The following ZNF35 variants were observed in gnomAD, a reference collection of about 807,000 sequenced individuals.
ZNF35 encodes the protein zinc finger protein 35 (clone HF.10).
Under a neutral mutation model 45.9 loss-of-function variants are expected in ZNF35, and 31 were observed. The observed-to-expected ratio is 0.68, with a 90% confidence interval of 0.51 to 0.91. ZNF35 has a LOEUF of 0.91. Ranked by LOEUF, ZNF35 falls within the 40% of genes least tolerant of loss-of-function variation. The probability of loss-of-function intolerance (pLI) is 0.00; values close to 1 mark genes in which losing one functional copy is unlikely to be tolerated. For missense variants in ZNF35, 515 were observed against 625.4 expected (o/e 0.82, Z 1.88); for synonymous variants, 205 against 220.2 (o/e 0.93, Z 0.61).
chr3:44,658,953 A>T lies in ZNF35; in HGVS notation c.590A>T (p.Lys197Met), dbSNP rs753250758. The T allele has an allele frequency of 1.9e-6, 3 of 1,614,070 alleles. No individual in the cohort carries two copies. In the South Asian group the frequency reaches 3.3e-5, roughly 18 times the overall value. ...SFKEEENQKC[K>M]KSGGKYSLNS... is the part of the protein sequence containing the mutation. Reference sequence around the variant, plus strand: ...AAAGAAGAGGAAAACCAGAAATGTAAGAAATCTGGAGGAAAATATAGCCTT... The same window carrying T: ...AAAGAAGAGGAAAACCAGAAATGTATGAAATCTGGAGGAAAATATAGCCTT... Residue 197 changes from lysine to methionine, a missense_variant, in exon 4 of 4, where the codon AAG becomes ATG. By Grantham distance (95) the Lys-to-Met change is moderately conservative. Transcript: ENST00000396056.
chr3:44,651,435 G>A (rs1440479023), intron 2 of ZNF35, among the ~76,000 whole-genome samples, 176 bp downstream of exon 2: 1 of 152,126 alleles, frequency 6.6e-6, no homozygotes, highest in Non-Finnish European at 1.5e-5. Flanking sequence ...GTGACATTCA[G>A]TACTTTCTGT....
At chr3:44,646,620 A>G (rs544906987), upstream of ZNF35, 7 of 771,366 alleles carry the variant, frequency 9.1e-6, no homozygotes, top group African/African-American at 7.0e-5. Context: ...TGAAAAAGAG[A>G]GGGGAGTGAA....
At chr3:44,655,337 TA>T (rs1389521540) in intron 3 of ZNF35, among the ~76,000 whole-genome samples, 1 of 151,850 alleles carries the variant, frequency 6.6e-6, no homozygotes, top group East Asian at 1.9e-4. Flanking sequence ...ATAAATTTAG[TA>T]AATCAAATTA....
In ZNF35 at chr3:44,659,369, T is replaced by C; in HGVS notation, c.1006T>C (p.Cys336Arg). ...CCACATTACGGAAAAATGCTATGAA[T>C]GTAATGAATGTGGGAAAACATTTAC... ...KVHITEKCYE[C>R]NECGKTFTRS... is the part of the protein sequence containing the mutation. Residue 336 changes from cysteine to arginine, a missense_variant, in exon 4 of 4, where the codon TGT (cysteine) becomes CGT (arginine). Physicochemically the swap from Cys to Arg is radical, Grantham distance 180. This residue lies in a region of ZNF35 where 232 missense variants were observed against 304.6 expected (regional missense o/e 0.76). Coordinates refer to ENST00000396056, the MANE Select transcript of ZNF35 (RefSeq NM_003420.4). The surrounding 1 kb of genome is among the most constrained non-coding windows in gnomAD (Gnocchi z 4.3). The C allele has an allele frequency of 6.2e-7, 1 of 1,613,952 alleles. No homozygotes were observed. Among genetic ancestry groups the C allele is most frequent in the Non-Finnish European group, 8.5e-7 (1 of 1,179,948 alleles).
intron 2 of ZNF35, among the ~76,000 whole-genome samples, chr3:44,652,020 G>A (rs1264684839): frequency 6.6e-6 from 1 of 152,040 alleles, no homozygotes; most frequent in African/African-American, 2.4e-5. Flanking sequence ...GATGTCTGGG[G>A]GTGGTCTGAG....
In ZNF35 at chr3:44,658,908, G is replaced by C. The variant is rs1311768362; in HGVS notation, c.545G>C (p.Cys182Ser). ...KDFRQVIVNDCHLPESFKEEE... is the reference protein window; with the variant it reads ...KDFRQVIVNDSHLPESFKEEE... ...TTCAGACAAGTGATAGTGAATGACT[G>C]TCACTTACCTGAAAGCTTCAAAGAA... The change falls in exon 4 of 4, where the codon TGT becomes TCT. Residue 182 changes from cysteine to serine, a missense_variant. Transcript: ENST00000396056. The C allele has an allele frequency of 1.2e-6, 2 of 1,613,038 alleles. No individual in the cohort carries two copies. Among genetic ancestry groups the C allele is most frequent in the African/African-American group, 2.7e-5 (2 of 74,742 alleles).
chr3:44,652,726 A>C (rs1703226832), intron 3 of ZNF35, 25 bp downstream of exon 3: 1 of 1,524,166 alleles, frequency 6.6e-7, no homozygotes, highest in Non-Finnish European at 8.8e-7. Flanking sequence ...CCTGATTCTG[A>C]ATCTGACCAT....
intron 2 of ZNF35, among the ~76,000 whole-genome samples, chr3:44,651,694 A>C (rs1174230916): frequency 6.6e-6 from 1 of 152,000 alleles, no homozygotes; most frequent in Non-Finnish European, 1.5e-5. Context: ...TTAGCTTGGC[A>C]TGGTGGCACG....
intron 3 of ZNF35, among the ~76,000 whole-genome samples, chr3:44,657,411 G>C (rs191264020): frequency 1.3e-5 from 2 of 152,284 alleles, no homozygotes; most frequent in Admixed American, 1.3e-4. Flanking sequence ...TATTTCTTGA[G>C]CTTGGTTTAA....
At chr3:44,652,805 G>A (rs1435420433) in intron 3 of ZNF35, 104 bp downstream of exon 3, 1 of 1,230,184 alleles carries the variant, frequency 8.1e-7, no homozygotes. Context: ...ACAGAGTACT[G>A]AGGTATTGAA....
intron 3 of ZNF35, among the ~76,000 whole-genome samples, chr3:44,655,112 C>T (rs1703275694): frequency 6.6e-6 from 1 of 152,054 alleles, no homozygotes; most frequent in African/African-American, 2.4e-5. Flanking sequence ...CCAGCCTGGG[C>T]AATAGAGCAA....
At chr3:44,654,428 T>C (rs1413448213) in intron 3 of ZNF35, among the ~76,000 whole-genome samples, 3 of 152,184 alleles carry the variant, frequency 2.0e-5, no homozygotes, top group Non-Finnish European at 2.9e-5. Context: ...TTCTACAAAT[T>C]GGGTGTGTTC....
At chr3:44,656,169 G>C (rs1703297088) in intron 3 of ZNF35, among the ~76,000 whole-genome samples, 1 of 151,996 alleles carries the variant, frequency 6.6e-6, no homozygotes, top group Non-Finnish European at 1.5e-5. Flanking sequence ...GCATGAAACT[G>C]TATATGGAAA....
At chr3:44,657,824 T>G (rs1339005517) in intron 3 of ZNF35, among the ~76,000 whole-genome samples, 1 of 152,212 alleles carries the variant, frequency 6.6e-6, no homozygotes, top group African/African-American at 2.4e-5. Flanking sequence ...GGTTCATCTT[T>G]CCTTCTGGCC....
At chr3:44,646,609 A>G (rs1702973092), upstream of ZNF35, 3 of 820,282 alleles carry the variant, frequency 3.7e-6, no homozygotes, top group Admixed American at 3.9e-5. Context: ...TATTATTATG[A>G]TGAAAAAGAG....
chr3:44,655,669 C>T (rs912497260), intron 3 of ZNF35, among the ~76,000 whole-genome samples: 1 of 152,172 alleles, frequency 6.6e-6, no homozygotes, highest in African/African-American at 2.4e-5. Flanking sequence ...TTGACTATAC[C>T]AGATGGACCC....
rs1177702264 is a variant in ZNF35 at position 44,659,679 on chromosome 3, T to C, written c.1316T>C (p.Ile439Thr). 1.2e-6 allele frequency: 2 copies of C among 1,614,110 alleles called. No homozygotes were observed. The highest frequency in any genetic ancestry group is 1.3e-5 in the African/African-American group (1 of 74,938). ...TCTTGCCTTATTGTCCACCAGAGAATTCACAGTGGAGATCTTCCTTACGTG... is the reference window on the plus strand; with the variant it reads ...TCTTGCCTTATTGTCCACCAGAGAACTCACAGTGGAGATCTTCCTTACGTG... ...QLSCLIVHQR[I>T]HSGDLPYVCN... The change falls in exon 4 of 4, where the codon ATT (isoleucine) becomes ACT (threonine). Residue 439 changes from isoleucine to threonine, a missense_variant. By Grantham distance (89) the Ile-to-Thr change is moderately conservative. Around this residue, in one of 3 missense-constraint regions of ZNF35, gnomAD observed 232 missense variants for 304.6 expected, o/e 0.76. Coordinates refer to ENST00000396056, the MANE Select transcript of ZNF35 (RefSeq NM_003420.4). The surrounding 1 kb of genome is among the most constrained non-coding windows in gnomAD (Gnocchi z 4.3).
Position 44,659,724 on chromosome 3 carries a change from C to A in ZNF35, c.1361C>A (p.Ala454Asp), listed in dbSNP as rs759693911. 2 of 1,614,098 alleles carry A rather than the reference C, an allele frequency of 1.2e-6. No individual in the cohort carries two copies. The highest frequency in any genetic ancestry group is 3.3e-5 in the Admixed American group (2 of 60,022). ...LPYVCNECGKAFTCSSYLLIH... is the reference protein window; with the variant it reads ...LPYVCNECGKDFTCSSYLLIH... ...TACGTGTGTAATGAATGTGGGAAGGCCTTCACATGTAGCTCATACCTACTT... is the reference window on the plus strand; with the variant it reads ...TACGTGTGTAATGAATGTGGGAAGGACTTCACATGTAGCTCATACCTACTT... Residue 454 changes from alanine to aspartate, a missense_variant, in exon 4 of 4, where the codon GCC (alanine) becomes GAC (aspartate). Physicochemically the swap from Ala to Asp is moderately radical, Grantham distance 126 (BLOSUM62 -2). This residue lies in a region of ZNF35 where 232 missense variants were observed against 304.6 expected (regional missense o/e 0.76). Transcript: ENST00000396056. This position sits in a 1 kb window ranked among gnomAD's most constrained non-coding sequence, Gnocchi z 4.3.
intron 1 of ZNF35, 105 bp downstream of exon 1, chr3:44,648,939 A>G (rs1339299194): frequency 6.6e-6 from 1 of 152,284 alleles, no homozygotes; most frequent in Non-Finnish European, 1.5e-5. Context: ...CCCCGGGGAC[A>G]CCAGCCTTGT....
Sources: allele counts gnomAD v4.1 joint callset (sites outside exome capture counted in the v4.1 genomes callset), GRCh38; gene constraint gnomAD v4.1.1; regional missense constraint gnomAD v4.1.1; non-coding constraint Gnocchi (gnomAD v3.1); transcripts MANE v1.5; gene names NCBI Gene and HGNC (gene_info 2026-07-23, HGNC 2026-07-21).